The following MYT1L variants were observed in gnomAD, a reference collection of about 807,000 sequenced individuals.
The protein encoded by MYT1L is myelin transcription factor 1 like, also known as myelin transcription factor 1-like protein.
Under a neutral mutation model 126.7 loss-of-function variants are expected in MYT1L, and 12 were observed. The observed-to-expected ratio is 0.09, with a 90% confidence interval of 0.06 to 0.15. The LOEUF (loss-of-function observed/expected upper bound fraction) is 0.15, where lower values mean the gene tolerates loss of function less well. Among genes scored for constraint, MYT1L ranks in the 10% least tolerant of loss-of-function variants. The pLI, the probability that MYT1L is intolerant of heterozygous loss-of-function variation, is 1.00. For missense variants in MYT1L, 979 were observed against 1,585.2 expected (o/e 0.62, Z 6.49); for synonymous variants, 541 against 604.2 (o/e 0.90, Z 1.53).
At chr2:1,792,574 G>A (rs1243728615) in intron 23 of MYT1L, 110 bp from the exon 24 acceptor site, 1 of 1,220,700 alleles carries the variant, frequency 8.2e-7, no homozygotes, top group Non-Finnish European at 1.1e-6. Flanking sequence ...TCTCGCTGAA[G>A]GAGAAAGGCT....
chr2:1,810,856 C>T (rs984963072), intron 21 of MYT1L, among the ~76,000 whole-genome samples: 7 of 152,136 alleles, frequency 4.6e-5, no homozygotes, highest in Non-Finnish European at 1.0e-4. Flanking sequence ...GTGATGTTTG[C>T]ATCTCATAAT....
chr2:2,320,683 T>C (rs781252225), intron 1 of MYT1L, among the ~76,000 whole-genome samples: 4 of 152,176 alleles, frequency 2.6e-5, no homozygotes, highest in Non-Finnish European at 4.4e-5. Context: ...ATCCTGTTGA[T>C]CACTGAAAAA....
intron 18 of MYT1L, among the ~76,000 whole-genome samples, chr2:1,866,665 G>C (rs1159235924): frequency 1.9e-5 from 2 of 106,906 alleles, no homozygotes; most frequent in African/African-American, 8.1e-5. Flanking sequence ...GAGAGAGGGA[G>C]AGGGAGGGAG....
At chr2:2,153,271 A>C (rs1407114890) in intron 3 of MYT1L, among the ~76,000 whole-genome samples, 1 of 152,210 alleles carries the variant, frequency 6.6e-6, no homozygotes. Context: ...TCAAAAAACA[A>C]ACAAAAACAA....
chr2:2,132,023 C>T (rs1253694844), intron 3 of MYT1L, among the ~76,000 whole-genome samples: 1 of 151,466 alleles, frequency 6.6e-6, no homozygotes, highest in African/African-American at 2.4e-5. Context: ...ATTCTCCCAC[C>T]TCAGCCTCCG....
intron 11 of MYT1L, among the ~76,000 whole-genome samples, chr2:1,913,012 A>G (rs2052283963): frequency 6.6e-6 from 1 of 152,168 alleles, no homozygotes; most frequent in African/African-American, 2.4e-5. Flanking sequence ...CTCCAGGGGA[A>G]TGGGGTGGTG....
chr2:2,158,887 T>C (rs1450786516), intron 3 of MYT1L, among the ~76,000 whole-genome samples: 1 of 149,562 alleles, frequency 6.7e-6, no homozygotes. Flanking sequence ...GGGTGAATGC[T>C]GGTATTTCCT....
At chr2:2,281,333 T>C (rs2095443801) in intron 2 of MYT1L, among the ~76,000 whole-genome samples, 2 of 152,256 alleles carry the variant, frequency 1.3e-5, no homozygotes, top group Non-Finnish European at 2.9e-5. Flanking sequence ...CGGGTATTTC[T>C]TCATGGCAGT....
At chr2:1,861,774 A>G in intron 18 of MYT1L, among the ~76,000 whole-genome samples, 1 of 152,168 alleles carries the variant, frequency 6.6e-6, no homozygotes, top group African/African-American at 2.4e-5. Context: ...AGCCTGTGTA[A>G]TCCTGGATCT....
At chr2:1,957,660 T>G (rs1180558707) in intron 8 of MYT1L, among the ~76,000 whole-genome samples, 1 of 152,188 alleles carries the variant, frequency 6.6e-6, no homozygotes, top group African/African-American at 2.4e-5. Flanking sequence ...TCATCTATAA[T>G]CTATCAATCT....
At chr2:1,834,024 T>C (rs571147521) in intron 21 of MYT1L, among the ~76,000 whole-genome samples, 28 of 152,336 alleles carry the variant, frequency 1.8e-4, no homozygotes, top group African/African-American at 5.8e-4. Flanking sequence ...ACCATGGGCA[T>C]TGGTTCCTGC....
intron 2 of MYT1L, among the ~76,000 whole-genome samples, chr2:2,268,253 T>C (rs746178367): frequency 6.6e-6 from 1 of 152,030 alleles, no homozygotes; most frequent in Non-Finnish European, 1.5e-5. Context: ...ATGGAAATAA[T>C]AGAGTAATTT....
intron 18 of MYT1L, among the ~76,000 whole-genome samples, chr2:1,870,510 C>T (rs1184662638): frequency 6.6e-6 from 1 of 152,194 alleles, no homozygotes; most frequent in Non-Finnish European, 1.5e-5. Context: ...GGAAATGGCC[C>T]AGTCTTGCCT....
intron 3 of MYT1L, among the ~76,000 whole-genome samples, chr2:2,133,619 G>T (rs1260241408): frequency 6.6e-6 from 1 of 152,098 alleles, no homozygotes; most frequent in East Asian, 1.9e-4. Context: ...TTTTAAAAGG[G>T]GATAAATAGC....
intron 1 of MYT1L, among the ~76,000 whole-genome samples, chr2:2,317,389 C>T (rs570761079): frequency 1.3e-5 from 2 of 152,148 alleles, no homozygotes; most frequent in South Asian, 2.1e-4. Flanking sequence ...ATGCCAAACA[C>T]GCAGTCAGCA....
At chr2:2,050,146 C>T (rs115811539) in intron 4 of MYT1L, among the ~76,000 whole-genome samples, 3,869 of 152,092 alleles carry the variant, frequency 0.025, 76 homozygotes, top group Non-Finnish European at 0.036. Flanking sequence ...TCTCACTTGA[C>T]CATTTACTTC....
chr2:2,321,114 A>G (rs1044815139), intron 1 of MYT1L, among the ~76,000 whole-genome samples: 1 of 152,216 alleles, frequency 6.6e-6, no homozygotes, highest in African/African-American at 2.4e-5. Flanking sequence ...GTTCTTACAG[A>G]TGTTGATGAG....
chr2:2,177,643 C>CACATGGT (rs2090962239), intron 2 of MYT1L, among the ~76,000 whole-genome samples: 1 of 152,156 alleles, frequency 6.6e-6, no homozygotes, highest in African/African-American at 2.4e-5. Flanking sequence ...GTGAAGCAGG[C>CACATGGT]ACATGGTACA....
Position 1,904,258 on chromosome 2 carries a change from G to A in MYT1L, c.1818-964C>T, listed in dbSNP as rs182056572. On this transcript the variant is annotated intron_variant, in intron 13 of 24. Coordinates refer to ENST00000647738, the MANE Select transcript of MYT1L (RefSeq NM_001303052.2). ...TCCCACAGTGCACTAAGGGTCCTGC[G>A]TTCTGTCCTCCCCCTCGACAGCTCC... Among the ~76,000 whole-genome samples, 288 of 152,266 alleles carry A rather than the reference G, an allele frequency of 1.9e-3. 2 individuals are homozygous for A. Among genetic ancestry groups the A allele is most frequent in the Non-Finnish European group, 2.7e-3 (186 of 68,034 alleles).
Sources: allele counts gnomAD v4.1 joint callset (sites outside exome capture counted in the v4.1 genomes callset), GRCh38; gene constraint gnomAD v4.1.1; transcripts MANE v1.5; gene names NCBI Gene and HGNC (gene_info 2026-07-23, HGNC 2026-07-21).